Variants in DRD2 observed in about 807,000 individuals in gnomAD.
DRD2 encodes the protein D(2) dopamine receptor.
A neutral mutation model predicts 38.0 loss-of-function variants in DRD2; 8 were observed. That is an observed-to-expected ratio of 0.21 (90% CI 0.12 to 0.38). DRD2 has a LOEUF of 0.38. Among genes scored for constraint, DRD2 ranks in the 10% least tolerant of loss-of-function variants. The pLI is 1.00. For missense variants in DRD2, 403 were observed against 607.7 expected (o/e 0.66, Z 3.54); for synonymous variants, 230 against 238.6 (o/e 0.96, Z 0.33).
At chr11:113,444,744 C>T (rs193275403) in intron 1 of DRD2, among the ~76,000 whole-genome samples, 13 of 152,264 alleles carry the variant, frequency 8.5e-5, no homozygotes, top group Non-Finnish European at 1.5e-4. Context: ...AAGGGTACAA[C>T]GTTGAACAAG....
chr11:113,452,650 T>G (rs1315621185), intron 1 of DRD2, among the ~76,000 whole-genome samples: 2 of 148,188 alleles, frequency 1.3e-5, no homozygotes, highest in African/African-American at 5.0e-5. Context: ...TCCCCATCTT[T>G]TTTTTTTTTT....
At chr11:113,434,182 T>C (rs1311005567) in intron 1 of DRD2, among the ~76,000 whole-genome samples, 1 of 152,250 alleles carries the variant, frequency 6.6e-6, no homozygotes, top group African/African-American at 2.4e-5. Flanking sequence ...ACAGGTGTAA[T>C]GAAGTCAGTA....
intron 1 of DRD2, among the ~76,000 whole-genome samples, chr11:113,469,119 C>T (rs959094079): frequency 6.6e-6 from 1 of 152,076 alleles, no homozygotes; most frequent in African/African-American, 2.4e-5. Flanking sequence ...GACAAAACAT[C>T]CGTCTACACC....
At chr11:113,437,162 G>A (rs1951046452) in intron 1 of DRD2, among the ~76,000 whole-genome samples, 1 of 152,068 alleles carries the variant, frequency 6.6e-6, no homozygotes, top group Non-Finnish European at 1.5e-5. Context: ...GAAGTGCTGG[G>A]CACCTACTAT....
At position 113,430,688 on chromosome 11, in the gene DRD2, A is replaced by C. The variant is rs541276055; in HGVS notation, c.-31-6006T>G. Among the ~76,000 whole-genome samples the C allele has an allele frequency of 2.0e-5, 3 of 152,276 alleles. No homozygotes were observed. The East Asian group carries it at 5.8e-4, about 29-fold the overall frequency. ...GAATACACAAGTGAGTAGCTTCTCC[A>C]TCCTGGCTGGAGCTTGTGTTCATGG... On this transcript the variant is annotated intron_variant, in intron 1 of 7. Coordinates refer to ENST00000362072, the MANE Select transcript of DRD2 (RefSeq NM_000795.4).
intron 1 of DRD2, among the ~76,000 whole-genome samples, chr11:113,473,815 A>G (rs1951450957): frequency 6.6e-6 from 1 of 152,240 alleles, no homozygotes. Context: ...AAAGACGATA[A>G]GCATGATTTC....
Position 113,416,891 on chromosome 11 carries a change from G to A in DRD2, c.504C>T (p.Cys168=). 1 of 1,614,208 alleles carries A rather than the reference G, an allele frequency of 6.2e-7. No homozygotes were observed. The highest frequency in any genetic ancestry group is 1.1e-5 in the South Asian group (1 of 91,072). The change falls in exon 4 of 8, where the codon TGC becomes TGT. Residue 168 remains cysteine, a synonymous_variant. Transcript: ENST00000362072. The stretch of plus-strand genomic sequence containing the variant: ...CGTTATTGAGTCCGAAGAGGAGTGG[G>A]CAGGAGATGGTGAAGGACAGGACCC... ...IVWVLSFTIS[C]PLLFGLNNAD...
Position 113,424,682 on chromosome 11 carries a change from T to G in DRD2, c.-31A>C, listed in dbSNP as rs758992194. 1.2e-6 allele frequency: 2 copies of G among 1,613,288 alleles called. No individual in the cohort carries two copies. The highest frequency in any genetic ancestry group is 1.3e-5 in the African/African-American group (1 of 74,916). On this transcript the variant is annotated splice_region_variant and 5_prime_UTR_variant, in exon 2 of 8. Coordinates refer to ENST00000362072, the MANE Select transcript of DRD2 (RefSeq NM_000795.4). The stretch of plus-strand genomic sequence containing the variant: ...CGGTGGAGCCACTGGGTGGCCAGGC[T>G]CTGGCCAGGAAAAATGGACACAAGG...
At position 113,410,299 on chromosome 11, in the gene DRD2, G is replaced by T. The variant is rs199924485; in HGVS notation, c.*428C>A. ...GCTTGCCTCCTGTGGGCCTTGCAGG[G>T]TGTGAACTGTCCATCTCTCCCCACC... On this transcript the variant is annotated 3_prime_UTR_variant, in exon 8 of 8. Coordinates refer to ENST00000362072, the MANE Select transcript of DRD2 (RefSeq NM_000795.4). 22 of 342,402 alleles carry T rather than the reference G, an allele frequency of 6.4e-5. No homozygotes were observed. The highest frequency in any genetic ancestry group is 1.1e-4 in the Non-Finnish European group (20 of 179,212). The allele number at this position is 342,402 out of a possible 1,614,324, so 21.2% of individuals were successfully genotyped here. A position where few individuals can be genotyped will look rare whatever the true frequency, so the allele number is the denominator to read the frequency against.
intron 2 of DRD2, among the ~76,000 whole-genome samples, chr11:113,421,304 G>T (rs1300751507): frequency 6.6e-6 from 1 of 152,144 alleles, no homozygotes; most frequent in African/African-American, 2.4e-5. Context: ...CACTGTAGGG[G>T]CCCTGTCAAC....
At chr11:113,416,830 G>A in intron 4 of DRD2, 33 bp downstream of exon 4, 1 of 1,610,220 alleles carries the variant, frequency 6.2e-7, no homozygotes. Context: ...CCCAGGGCCA[G>A]CTGAGCCTCA....
intron 1 of DRD2, among the ~76,000 whole-genome samples, chr11:113,453,370 T>C (rs143765118): frequency 6.6e-6 from 1 of 152,332 alleles, no homozygotes; most frequent in African/African-American, 2.4e-5. Flanking sequence ...ATAATGTATG[T>C]TGAGTGAGGA....
At chr11:113,467,686 C>T in intron 1 of DRD2, among the ~76,000 whole-genome samples, 1 of 152,214 alleles carries the variant, frequency 6.6e-6, no homozygotes, top group East Asian at 1.9e-4. Context: ...CATGAGGTAG[C>T]AGACACAGAG....
At chr11:113,435,391 C>T (rs1476130677) in intron 1 of DRD2, among the ~76,000 whole-genome samples, 2 of 152,026 alleles carry the variant, frequency 1.3e-5, no homozygotes. Context: ...GTGCTGTTCT[C>T]TGCGTGTGCT....
At chr11:113,436,939 A>G (rs561228837) in intron 1 of DRD2, among the ~76,000 whole-genome samples, 15 of 152,190 alleles carry the variant, frequency 9.9e-5, no homozygotes, top group African/African-American at 3.1e-4. Context: ...TGCCCTGTCC[A>G]GGACAGATGG....
intron 7 of DRD2, 30 bp downstream of exon 7, chr11:113,412,526 G>A: frequency 6.2e-7 from 1 of 1,607,762 alleles, no homozygotes; most frequent in Non-Finnish European, 8.5e-7. Context: ...TCACAGACCG[G>A]GCTGTGGCCA....
chr11:113,432,623 G>T (rs1229517572), intron 1 of DRD2, among the ~76,000 whole-genome samples: 1 of 152,150 alleles, frequency 6.6e-6, no homozygotes, highest in Non-Finnish European at 1.5e-5. Flanking sequence ...AAAAGTAGAG[G>T]GGGAGAAGAA....
intron 1 of DRD2, among the ~76,000 whole-genome samples, chr11:113,468,563 T>G (rs1240915914): frequency 6.6e-6 from 1 of 152,192 alleles, no homozygotes; most frequent in African/African-American, 2.4e-5. Context: ...TTGTTTGTTT[T>G]TTGAGATGGA....
At chr11:113,440,437 T>C (rs535562831) in intron 1 of DRD2, among the ~76,000 whole-genome samples, 1 of 152,328 alleles carries the variant, frequency 6.6e-6, no homozygotes, top group African/African-American at 2.4e-5. Context: ...CTCTGCGAAA[T>C]GCTACTTCTT....
Sources: allele counts gnomAD v4.1 joint callset (sites outside exome capture counted in the v4.1 genomes callset), GRCh38; gene constraint gnomAD v4.1.1; transcripts MANE v1.5; gene names NCBI Gene and HGNC (gene_info 2026-07-23, HGNC 2026-07-21).